Variants in PDE1A observed in about 807,000 individuals in gnomAD.
PDE1A encodes the protein phosphodiesterase 1A.
A neutral mutation model predicts 61.7 loss-of-function variants in PDE1A; 35 were observed. The observed-to-expected ratio is 0.57, with a 90% CI of 0.43 to 0.75. The LOEUF (loss-of-function observed/expected upper bound fraction) is 0.75, where lower values mean the gene tolerates loss of function less well. PDE1A is among the 30% of genes least tolerant of loss of function. The probability of loss-of-function intolerance (pLI) is 0.00; values close to 1 mark genes in which losing one functional copy is unlikely to be tolerated. For synonymous variants in PDE1A, 232 were observed against 213.2 expected, an observed-to-expected ratio of 1.09 and a Z score of -0.77; for missense variants, 597 against 630.6, an observed-to-expected ratio of 0.95 and a Z score of 0.57.
intron 2 of PDE1A, among the ~76,000 whole-genome samples, chr2:182,434,131 G>A (rs1489073673): frequency 2.0e-5 from 3 of 152,038 alleles, no homozygotes; most frequent in African/African-American, 7.2e-5. Context: ...ATCAGAACAT[G>A]TAACTTACCC....
At chr2:182,200,559 C>T (rs1156361834) in intron 10 of PDE1A, among the ~76,000 whole-genome samples, 1 of 152,178 alleles carries the variant, frequency 6.6e-6, no homozygotes, top group East Asian at 1.9e-4. Context: ...CATCCAAGAC[C>T]CTCCCAGACC....
At chr2:182,624,560 C>T in the PDE1A span, among the ~76,000 whole-genome samples, 9 of 152,308 alleles carry the variant, frequency 5.9e-5, no homozygotes, top group South Asian at 4.1e-4. Flanking sequence ...CTTATACCAA[C>T]CCCTAATGAA....
intron 1 of PDE1A, among the ~76,000 whole-genome samples, chr2:182,264,878 C>CACATATATATATATATATATATATAT (rs1553560265): frequency 9.4e-6 from 1 of 106,878 alleles, no homozygotes; most frequent in Non-Finnish European, 1.9e-5. Flanking sequence ...TATATATATA[C>CACATATATATATATATATATATATAT]ATATATATAT....
intron 8 of PDE1A, among the ~76,000 whole-genome samples, chr2:182,204,288 A>G (rs750538912): frequency 3.3e-5 from 5 of 152,242 alleles, no homozygotes; most frequent in Non-Finnish European, 7.3e-5. Flanking sequence ...TCTAATCGCT[A>G]CATAGCCCAA....
chr2:182,532,334 A>G, the PDE1A span, among the ~76,000 whole-genome samples: 1 of 152,338 alleles, frequency 6.6e-6, no homozygotes, highest in Non-Finnish European at 1.5e-5. Context: ...GCATCACAAC[A>G]TCACTATGTA....
At chr2:182,714,205 C>G in the PDE1A span, among the ~76,000 whole-genome samples, 1 of 152,112 alleles carries the variant, frequency 6.6e-6, no homozygotes, top group Non-Finnish European at 1.5e-5. Context: ...ATAAAATGAA[C>G]AAAAATCCAC....
chr2:182,407,927 T>G (rs879285342), intron 1 of PDE1A, among the ~76,000 whole-genome samples: 2 of 152,192 alleles, frequency 1.3e-5, no homozygotes, highest in Non-Finnish European at 2.9e-5. Flanking sequence ...TCCATACATA[T>G]TCTATATGAA....
chr2:182,215,617 A>G (rs1254757490), intron 7 of PDE1A, among the ~76,000 whole-genome samples: 5 of 136,064 alleles, frequency 3.7e-5, no homozygotes, highest in Non-Finnish European at 7.8e-5. Context: ...ACAAACTACC[A>G]TCAGAGAATA....
chr2:182,475,760 T>C (rs532351709), intron 2 of PDE1A, among the ~76,000 whole-genome samples: 4 of 152,054 alleles, frequency 2.6e-5, no homozygotes, highest in South Asian at 4.1e-4. Context: ...AAAACTGTTT[T>C]ATCAGTTTCC....
chr2:182,249,243 G>A (rs1198054671), intron 2 of PDE1A, among the ~76,000 whole-genome samples: 1 of 152,244 alleles, frequency 6.6e-6, no homozygotes, highest in Non-Finnish European at 1.5e-5. Context: ...GGTCCCTTGA[G>A]AGGAAAGACC....
At chr2:182,155,089 T>TTC (rs1215799281) in intron 13 of PDE1A, among the ~76,000 whole-genome samples, 9 of 149,386 alleles carry the variant, frequency 6.0e-5, no homozygotes, top group Non-Finnish European at 5.9e-5. Flanking sequence ...TTCTGCTTTT[T>TTC]TTTTTTTTTT....
chr2:182,365,351 C>T (rs1333369792), intron 1 of PDE1A, among the ~76,000 whole-genome samples: 1 of 151,960 alleles, frequency 6.6e-6, no homozygotes, highest in Non-Finnish European at 1.5e-5. Context: ...TTGCTGTTTT[C>T]TCCTGTTTTC....
At chr2:182,257,817 T>C (rs300888) in intron 2 of PDE1A, among the ~76,000 whole-genome samples, 1,993 of 152,282 alleles carry the variant, frequency 0.013, 27 homozygotes, top group African/African-American at 0.023. Flanking sequence ...CATTAGAGGA[T>C]GCACCAAGAT....
intron 1 of PDE1A, among the ~76,000 whole-genome samples, chr2:182,357,663 G>A (rs1265591886): frequency 6.6e-6 from 1 of 151,960 alleles, no homozygotes; most frequent in African/African-American, 2.4e-5. Context: ...AATCCCAGCA[G>A]GAATAATTAA....
At chr2:182,346,031 T>C (rs1257992568) in intron 1 of PDE1A, among the ~76,000 whole-genome samples, 1 of 152,212 alleles carries the variant, frequency 6.6e-6, no homozygotes, top group Non-Finnish European at 1.5e-5. Context: ...ACAGCATAAA[T>C]GTTCCTTAAA....
At chr2:182,378,099 G>T (rs1480532662) in intron 1 of PDE1A, among the ~76,000 whole-genome samples, 7 of 152,182 alleles carry the variant, frequency 4.6e-5, no homozygotes, top group African/African-American at 7.2e-5. Flanking sequence ...ACCCGCCTCA[G>T]CCTCCCAAAG....
chr2:182,649,239 G>T, the PDE1A span, among the ~76,000 whole-genome samples: 1 of 152,204 alleles, frequency 6.6e-6, no homozygotes, highest in Non-Finnish European at 1.5e-5. Context: ...CCTGGCGACA[G>T]GGTATGTGGT....
At chr2:182,518,109 G>A (rs1574846305) in intron 2 of PDE1A, among the ~76,000 whole-genome samples, 2 of 152,184 alleles carry the variant, frequency 1.3e-5, no homozygotes, top group South Asian at 4.1e-4. Flanking sequence ...AGCTTTAAAG[G>A]TGTTTAAGCA....
chr2:182,256,151 T>C (rs1360029681), intron 2 of PDE1A, among the ~76,000 whole-genome samples: 1 of 145,744 alleles, frequency 6.9e-6, no homozygotes, highest in African/African-American at 2.6e-5. Context: ...TAGTTACATA[T>C]GTATACATGT....
Sources: allele counts gnomAD v4.1 joint callset (sites outside exome capture counted in the v4.1 genomes callset), GRCh38; gene constraint gnomAD v4.1.1; transcripts MANE v1.5; gene names NCBI Gene and HGNC (gene_info 2026-07-23, HGNC 2026-07-21).